The following PCMT1 variants were observed in gnomAD, a reference collection of about 807,000 sequenced individuals.
PCMT1 encodes the protein protein-L-isoaspartate(D-aspartate) O-methyltransferase.
In PCMT1, 9 loss-of-function variants were observed where a neutral mutation model predicts 29.2. That is an observed-to-expected ratio of 0.31 (90% CI 0.19 to 0.54). The LOEUF is 0.54. Ranked by LOEUF, PCMT1 falls within the 20% of genes least tolerant of loss-of-function variation. PCMT1 has a pLI of 0.95. For missense variants in PCMT1, 184 were observed against 282.2 expected, an observed-to-expected ratio of 0.65 and a Z score of 2.49; for synonymous variants, 98 against 97.5, an observed-to-expected ratio of 1.00 and a Z score of -0.03.
intron 6 of PCMT1, among the ~76,000 whole-genome samples, chr6:149,799,402 G>C (rs1398741571): frequency 6.6e-6 from 1 of 152,162 alleles, no homozygotes; most frequent in African/African-American, 2.4e-5. Flanking sequence ...AACAGCATTA[G>C]AATTCGTAAG....
At chr6:149,791,608 T>C (rs561644023) in intron 4 of PCMT1, among the ~76,000 whole-genome samples, 1 of 152,048 alleles carries the variant, frequency 6.6e-6, no homozygotes, top group Non-Finnish European at 1.5e-5. Flanking sequence ...CTCCAGGGAG[T>C]TGGAAATTTT....
chr6:149,764,529 A>C (rs4642491), intron 1 of PCMT1, among the ~76,000 whole-genome samples: 81,025 of 151,924 alleles, frequency 0.53, 24,799 homozygotes, highest in East Asian at 0.83. Flanking sequence ...TTGAGGCCAG[A>C]AATTTGAGAC....
In PCMT1 at chr6:149,778,313, T is replaced by C. The variant is rs1787661631; in HGVS notation, c.192+5144T>C. On this transcript the variant is annotated intron_variant, in intron 3 of 7. Coordinates refer to ENST00000464889, the MANE Select transcript of PCMT1 (RefSeq NM_001360452.2). ...GCACAGTCTCAGCTTAGTGAAACTT[T>C]TGCCTCCCAGGTTCAAGCAGTTCTC... 2.0e-5 allele frequency among the ~76,000 whole-genome samples: 3 copies of C among 151,892 alleles called. No homozygotes were observed. In the South Asian group the frequency reaches 6.3e-4, roughly 32 times the overall value.
chr6:149,766,927 C>G (rs2115239411), intron 1 of PCMT1, among the ~76,000 whole-genome samples: 1 of 152,216 alleles, frequency 6.6e-6, no homozygotes, highest in Middle Eastern at 3.4e-3. Flanking sequence ...GAGATTCATT[C>G]AAGCTGAGTG....
In PCMT1 at chr6:149,802,301, C is replaced by T. The variant is rs759801347; in HGVS notation, c.606C>T (p.Ser202=). The T allele has an allele frequency of 6.2e-7, 1 of 1,613,600 alleles. No individual in the cohort carries two copies. Among genetic ancestry groups the T allele is most frequent in the Non-Finnish European group, 8.5e-7 (1 of 1,179,728 alleles). ...AGTATGACAAGCTACAAGATGGCAG[C>T]ATCAAAATGAAGCCTCTGATGGGGG... The part of the protein sequence containing the change: ...LEQYDKLQDG[S]IKMKPLMGVI... Residue 202 remains serine (S), a synonymous_variant, in exon 7 of 8, where the codon AGC becomes AGT. Transcript: ENST00000464889.
At chr6:149,789,917 C>A in intron 3 of PCMT1, 37 bp from the exon 4 acceptor site, 1 of 1,395,034 alleles carries the variant, frequency 7.2e-7, no homozygotes, top group Non-Finnish European at 1.0e-6. Flanking sequence ...GATGTGTGTA[C>A]TTTAGTCTTA....
chr6:149,756,132 A>G (rs1786492855), intron 1 of PCMT1, among the ~76,000 whole-genome samples: 1 of 152,150 alleles, frequency 6.6e-6, no homozygotes, highest in Admixed American at 6.6e-5. Context: ...TTCTGTGAGG[A>G]GGGGACTGTG....
chr6:149,779,536 G>A (rs115520887), intron 3 of PCMT1, among the ~76,000 whole-genome samples: 83 of 152,250 alleles, frequency 5.5e-4, no homozygotes, highest in African/African-American at 1.9e-3. Flanking sequence ...GTGACTGGGC[G>A]GGGTGGCTCA....
chr6:149,770,441 G>T (rs967482746), intron 1 of PCMT1, among the ~76,000 whole-genome samples: 2 of 152,098 alleles, frequency 1.3e-5, no homozygotes, highest in African/African-American at 4.8e-5. Context: ...TGGGCACGGT[G>T]GCTCACACCT....
intron 6 of PCMT1, among the ~76,000 whole-genome samples, chr6:149,801,320 A>G (rs1775820514): frequency 6.6e-6 from 1 of 152,100 alleles, no homozygotes; most frequent in African/African-American, 2.4e-5. Flanking sequence ...TTGCATTTTG[A>G]CTGTGACTTG....
chr6:149,760,436 C>CCT (rs1270783647), intron 1 of PCMT1, among the ~76,000 whole-genome samples: 1 of 152,178 alleles, frequency 6.6e-6, no homozygotes, highest in African/African-American at 2.4e-5. Context: ...GACCTAGACT[C>CCT]CTCTCTTGTT....
At chr6:149,765,111 G>A (rs1787023244) in intron 1 of PCMT1, among the ~76,000 whole-genome samples, 1 of 150,696 alleles carries the variant, frequency 6.6e-6, no homozygotes, top group Non-Finnish European at 1.5e-5. Context: ...TGTAATCCTA[G>A]CACTTTGGGA....
chr6:149,797,115 G>A (rs1027057578), intron 6 of PCMT1: 1 of 152,148 alleles, frequency 6.6e-6, no homozygotes, highest in African/African-American at 2.4e-5. Flanking sequence ...CACCCGGCCA[G>A]TTTGATGTTT....
At chr6:149,808,006 T>TC (rs919309051) in intron 7 of PCMT1, among the ~76,000 whole-genome samples, 12 of 152,226 alleles carry the variant, frequency 7.9e-5, no homozygotes, top group Admixed American at 5.9e-4. Flanking sequence ...TCATAGTGCT[T>TC]CGTACAAAGC....
At chr6:149,781,348 T>C (rs1787807118) in intron 3 of PCMT1, among the ~76,000 whole-genome samples, 1 of 151,866 alleles carries the variant, frequency 6.6e-6, no homozygotes, top group African/African-American at 2.4e-5. Context: ...TGCCTCAGCC[T>C]CCTGAGTAGC....
At chr6:149,784,781 G>T (rs964850883) in intron 3 of PCMT1, among the ~76,000 whole-genome samples, 1 of 152,062 alleles carries the variant, frequency 6.6e-6, no homozygotes, top group African/African-American at 2.4e-5. Context: ...CTCTTTTGCT[G>T]AAGTATTTTA....
rs935778320 is a variant in PCMT1, at chr6:149,810,513, C to T, written c.*38-103C>T. The T allele has an allele frequency of 5.2e-6, 4 of 766,424 alleles. No homozygotes were observed. The Admixed American group carries it at 8.0e-5, about 15-fold the overall frequency. The allele number at this position is 766,424 out of a possible 1,614,324, so 47.5% of individuals were successfully genotyped here. On this transcript the variant is annotated intron_variant, in intron 7 of 7. Coordinates refer to ENST00000464889, the MANE Select transcript of PCMT1 (RefSeq NM_001360452.2). ...TTTTTTAAATATATTGCTTGGTGAT[C>T]AGCGCATTTTTATTGACTTAATAGT...
At chr6:149,774,761 C>T (rs1455780005) in intron 3 of PCMT1, among the ~76,000 whole-genome samples, 1 of 141,990 alleles carries the variant, frequency 7.0e-6, no homozygotes, top group Admixed American at 7.3e-5. Context: ...GGCTGGAGTG[C>T]AGTGGCGCCA....
intron 5 of PCMT1, chr6:149,796,158 A>G (rs1788604124): frequency 3.3e-6 from 1 of 302,164 alleles, no homozygotes; most frequent in Non-Finnish European, 6.0e-6. Flanking sequence ...AGATAGGAAA[A>G]TGAAGCGCTT....
Sources: allele counts gnomAD v4.1 joint callset (sites outside exome capture counted in the v4.1 genomes callset), GRCh38; gene constraint gnomAD v4.1.1; transcripts MANE v1.5; gene names NCBI Gene and HGNC (gene_info 2026-07-23, HGNC 2026-07-21).